Variants in ADK observed in about 807,000 individuals in gnomAD.
ADK encodes adenosine kinase.
In ADK, 24 loss-of-function variants were observed where a neutral mutation model predicts 44.7. The ratio of observed to expected loss-of-function variants is 0.54; its 90% CI spans 0.39 to 0.76. The LOEUF is 0.76. Ranked by LOEUF, ADK falls within the 30% of genes least tolerant of loss-of-function variation. The probability of loss-of-function intolerance (pLI) is 0.00; values close to 1 mark genes in which losing one functional copy is unlikely to be tolerated. For missense variants in ADK, 321 were observed against 425.1 expected (o/e 0.76, Z 2.15); for synonymous variants, 128 against 142.6 (o/e 0.90, Z 0.73).
At chr10:74,252,057 A>G (rs928170309) in intron 3 of ADK, among the ~76,000 whole-genome samples, 2 of 152,072 alleles carry the variant, frequency 1.3e-5, no homozygotes, top group African/African-American at 2.4e-5. Context: ...TTTGTGGCCA[A>G]TGAGACATGA....
At chr10:74,186,498 C>A (rs1358350048) in intron 1 of ADK, among the ~76,000 whole-genome samples, 1 of 151,382 alleles carries the variant, frequency 6.6e-6, no homozygotes, top group Non-Finnish European at 1.5e-5. Context: ...GGGGTGGGGT[C>A]TTGCTATGTT....
chr10:74,290,320 A>G (rs1027164144), intron 3 of ADK, among the ~76,000 whole-genome samples: 1 of 152,200 alleles, frequency 6.6e-6, no homozygotes, highest in African/African-American at 2.4e-5. Context: ...TGGAAAAACT[A>G]TCAGTACTTC....
At chr10:74,585,493 C>G (rs1851499721) in intron 7 of ADK, among the ~76,000 whole-genome samples, 1 of 152,100 alleles carries the variant, frequency 6.6e-6, no homozygotes, top group South Asian at 2.1e-4. Context: ...ATGTGAAATC[C>G]AGCCTTCTCA....
intron 4 of ADK, among the ~76,000 whole-genome samples, chr10:74,393,054 T>G (rs1843391573): frequency 6.6e-6 from 1 of 152,130 alleles, no homozygotes; most frequent in African/African-American, 2.4e-5. Flanking sequence ...TGTGGATGAG[T>G]CTGTAGAAGT....
chr10:74,618,250 C>G (rs1226349413), intron 9 of ADK, among the ~76,000 whole-genome samples: 1 of 144,528 alleles, frequency 6.9e-6, no homozygotes, highest in East Asian at 2.0e-4. Flanking sequence ...CTTCTTTTTT[C>G]TCTCCTTTCC....
At chr10:74,568,758 T>C (rs1374414490) in intron 7 of ADK, among the ~76,000 whole-genome samples, 1 of 152,108 alleles carries the variant, frequency 6.6e-6, no homozygotes, top group Non-Finnish European at 1.5e-5. Flanking sequence ...ATAATAGTTA[T>C]TTGTACTTTT....
At chr10:74,191,996 A>G (rs894790239) in intron 1 of ADK, among the ~76,000 whole-genome samples, 3 of 152,210 alleles carry the variant, frequency 2.0e-5, no homozygotes, top group African/African-American at 7.2e-5. Flanking sequence ...GTAATTTTGT[A>G]ACTTCGAGAG....
chr10:74,444,627 T>C (rs1845533511), intron 6 of ADK, among the ~76,000 whole-genome samples: 2 of 152,110 alleles, frequency 1.3e-5, no homozygotes, highest in Non-Finnish European at 2.9e-5. Flanking sequence ...CTTATCTTTC[T>C]TATAAGTATA....
intron 3 of ADK, among the ~76,000 whole-genome samples, chr10:74,258,732 C>T (rs1309630808): frequency 6.6e-6 from 1 of 152,002 alleles, no homozygotes; most frequent in Non-Finnish European, 1.5e-5. Flanking sequence ...AGGAATGTAG[C>T]TGTTATGTTT....
intron 3 of ADK, among the ~76,000 whole-genome samples, chr10:74,307,377 T>TC (rs1840292309): frequency 6.6e-6 from 1 of 152,244 alleles, no homozygotes; most frequent in Non-Finnish European, 1.5e-5. Context: ...TCTTCATGCT[T>TC]CTGGCTGCAA....
At chr10:74,243,341 C>G (rs1157814789) in intron 3 of ADK, among the ~76,000 whole-genome samples, 2 of 152,174 alleles carry the variant, frequency 1.3e-5, no homozygotes, top group Non-Finnish European at 2.9e-5. Flanking sequence ...AACTGTCGCC[C>G]TTGTTGCAAG....
At chr10:74,190,440 C>T (rs1842921109) in intron 1 of ADK, among the ~76,000 whole-genome samples, 1 of 152,230 alleles carries the variant, frequency 6.6e-6, no homozygotes, top group Admixed American at 6.5e-5. Flanking sequence ...CTGTTTTCAT[C>T]TTCCAGGGTC....
chr10:74,422,756 C>T (rs2133037111), intron 6 of ADK, among the ~76,000 whole-genome samples: 1 of 152,294 alleles, frequency 6.6e-6, no homozygotes, highest in East Asian at 1.9e-4. Flanking sequence ...TCCCACTCCC[C>T]CTTTACCTAC....
chr10:74,684,013 A>G (rs1374216319), intron 10 of ADK, among the ~76,000 whole-genome samples: 1 of 152,216 alleles, frequency 6.6e-6, no homozygotes, highest in Non-Finnish European at 1.5e-5. Context: ...CAAACAGAGT[A>G]TTGATTTTAC....
At chr10:74,455,569 G>T (rs1845914915) in intron 6 of ADK, among the ~76,000 whole-genome samples, 1 of 152,046 alleles carries the variant, frequency 6.6e-6, no homozygotes, top group South Asian at 2.1e-4. Context: ...AAGTGCAGTG[G>T]CATGATCTCG....
chr10:74,564,765 G>A (rs1850589970), intron 7 of ADK, among the ~76,000 whole-genome samples: 1 of 151,300 alleles, frequency 6.6e-6, no homozygotes, highest in South Asian at 2.1e-4. Flanking sequence ...CTTTCCTGGA[G>A]AATTAAATAT....
intron 6 of ADK, among the ~76,000 whole-genome samples, chr10:74,501,239 T>A (rs935026344): frequency 6.6e-6 from 1 of 152,218 alleles, no homozygotes; most frequent in Non-Finnish European, 1.5e-5. Flanking sequence ...GTTAAAACAG[T>A]TAAAATCACT....
At chr10:74,615,781 T>A (rs1396612429) in intron 9 of ADK, among the ~76,000 whole-genome samples, 1 of 152,170 alleles carries the variant, frequency 6.6e-6, no homozygotes, top group East Asian at 1.9e-4. Flanking sequence ...GGATCTCGGC[T>A]CACTGCAATC....
intron 8 of ADK, among the ~76,000 whole-genome samples, chr10:74,598,924 A>G (rs1196015378): frequency 1.3e-5 from 2 of 152,176 alleles, no homozygotes; most frequent in Non-Finnish European, 2.9e-5. Context: ...ATAGTAGTAA[A>G]ATATATTTGT....
Sources: gnomAD v4.1 joint callset for allele counts (sites outside exome capture counted in the v4.1 genomes callset) on GRCh38, gnomAD v4.1.1 for gene constraint, MANE v1.5 for transcripts, NCBI Gene and HGNC (gene_info 2026-07-23, HGNC 2026-07-21) for gene names.